Variants in TMTC2 observed in about 807,000 individuals in gnomAD.
TMTC2 encodes the protein transmembrane O-mannosyltransferase targeting cadherins 2, also known as protein O-mannosyl-transferase TMTC2.
TMTC2 carries 43 observed loss-of-function variants against 82.4 expected under a neutral mutation model. That is an observed-to-expected ratio of 0.52 (90% confidence interval 0.41 to 0.67). The LOEUF is 0.67. Among genes scored for constraint, TMTC2 ranks in the 30% least tolerant of loss-of-function variants. TMTC2 has a pLI of 0.00. For missense variants in TMTC2, 919 were observed against 1,012.4 expected (o/e 0.91, Z 1.25); for synonymous variants, 408 against 381.9 (o/e 1.07, Z -0.80).
intron 7 of TMTC2, among the ~76,000 whole-genome samples, chr12:82,969,063 G>C (rs1424720134): frequency 1.3e-5 from 2 of 152,048 alleles, no homozygotes; most frequent in Non-Finnish European, 2.9e-5. Context: ...TAATCAAAAT[G>C]GGTTAAATAC....
chr12:82,896,436 T>C lies in TMTC2; in HGVS notation c.1273T>C (p.Tyr425His). 5.0e-6 allele frequency: 8 copies of C among 1,614,216 alleles called. No homozygotes were observed. The highest frequency in any genetic ancestry group is 6.8e-6 in the Non-Finnish European group (8 of 1,180,040). ...VGFVIAERVL[Y>H]IPSMGFCLLI... Reference sequence around the variant, plus strand: ...CTTTGTAATTGCAGAGCGAGTATTATATATTCCTAGTATGGGCTTCTGCCT... The same window carrying C: ...CTTTGTAATTGCAGAGCGAGTATTACATATTCCTAGTATGGGCTTCTGCCT... Residue 425 changes from tyrosine (Y) to histidine (H), a missense_variant, in exon 3 of 12, where the codon TAT (tyrosine) becomes CAT (histidine). Physicochemically the swap from Tyr to His is moderately conservative, Grantham distance 83. Coordinates refer to ENST00000321196, the MANE Select transcript of TMTC2 (RefSeq NM_152588.3).
At chr12:82,890,351 A>G (rs956183279) in intron 2 of TMTC2, among the ~76,000 whole-genome samples, 3 of 152,044 alleles carry the variant, frequency 2.0e-5, no homozygotes, top group Non-Finnish European at 2.9e-5. Context: ...TGTTGCAGCA[A>G]TACTTGAATA....
At chr12:82,770,268 A>G (rs1877214621) in intron 1 of TMTC2, among the ~76,000 whole-genome samples, 1 of 152,152 alleles carries the variant, frequency 6.6e-6, no homozygotes, top group South Asian at 2.1e-4. Flanking sequence ...AATTTCATAG[A>G]CATATGCATT....
intron 7 of TMTC2, among the ~76,000 whole-genome samples, chr12:82,973,532 A>G (rs1878537332): frequency 1.3e-5 from 2 of 152,272 alleles, no homozygotes; most frequent in Non-Finnish European, 2.9e-5. Context: ...AAAAAACTAT[A>G]ATTTTTTCTC....
intron 2 of TMTC2, among the ~76,000 whole-genome samples, chr12:82,877,495 G>A (rs1872640858): frequency 6.6e-6 from 1 of 152,122 alleles, no homozygotes; most frequent in Admixed American, 6.5e-5. Context: ...GATGCCCAGA[G>A]GAATTATGTA....
At chr12:82,736,762 T>A (rs1375230626) in intron 1 of TMTC2, among the ~76,000 whole-genome samples, 1 of 152,188 alleles carries the variant, frequency 6.6e-6, no homozygotes, top group African/African-American at 2.4e-5. Context: ...TTTGAATGTA[T>A]TTCAAATAAT....
chr12:83,112,817 A>C (rs1180491857), intron 11 of TMTC2, among the ~76,000 whole-genome samples: 1 of 152,148 alleles, frequency 6.6e-6, no homozygotes, highest in Non-Finnish European at 1.5e-5. Context: ...TTTGATCGCT[A>C]TTTCAAGGTT....
chr12:82,910,015 T>A (rs576190727), intron 3 of TMTC2, among the ~76,000 whole-genome samples: 89 of 152,334 alleles, frequency 5.8e-4, no homozygotes, highest in Admixed American at 1.3e-4. Flanking sequence ...TTCCTTCCTT[T>A]CTGTAATATA....
intron 1 of TMTC2, among the ~76,000 whole-genome samples, chr12:82,836,384 A>G (rs1396383765): frequency 6.6e-6 from 1 of 152,248 alleles, no homozygotes; most frequent in African/African-American, 2.4e-5. Context: ...GCATTCACAA[A>G]GATCCTTATA....
chr12:82,903,702 C>T (rs574347368), intron 3 of TMTC2, among the ~76,000 whole-genome samples: 4 of 152,182 alleles, frequency 2.6e-5, no homozygotes, highest in Middle Eastern at 3.4e-3. Flanking sequence ...CGTGAGCCAC[C>T]GCGCCCCGCC....
chr12:82,901,300 AT>A lies in TMTC2; in HGVS notation c.1483+4663del, dbSNP rs202212249. Among the ~76,000 whole-genome samples, 697 of 85,320 alleles carry A rather than the reference AT, an allele frequency of 8.2e-3. 44 individuals are homozygous for A. Among genetic ancestry groups the A allele is most frequent in the African/African-American group, 0.044 (575 of 13,126 alleles). The allele number at this position is 85,320 out of a possible 152,430, so 56.0% of individuals were successfully genotyped here. A position where few individuals can be genotyped will look rare whatever the true frequency, so the allele number is the denominator to read the frequency against. ...GAGAGAGTAATATATATATATATAT[AT>A]TTTTTTTTCTTTTTTTTTTTTGAGA... On this transcript the variant is annotated intron_variant, in intron 3 of 11. Transcript: ENST00000321196.
intron 4 of TMTC2, among the ~76,000 whole-genome samples, chr12:82,941,035 A>T (rs1374665582): frequency 6.6e-6 from 1 of 152,198 alleles, no homozygotes; most frequent in Non-Finnish European, 1.5e-5. Context: ...ACAAAATACC[A>T]TAACGGAGAA....
chr12:82,914,623 A>T (rs996298919), intron 3 of TMTC2, among the ~76,000 whole-genome samples: 2 of 152,072 alleles, frequency 1.3e-5, no homozygotes, highest in African/African-American at 4.8e-5. Context: ...TCTCAGTAGC[A>T]TGAGCATAGA....
At chr12:82,888,039 A>G (rs1873191536) in intron 2 of TMTC2, among the ~76,000 whole-genome samples, 1 of 152,196 alleles carries the variant, frequency 6.6e-6, no homozygotes, top group Non-Finnish European at 1.5e-5. Flanking sequence ...AAATCGCGCC[A>G]TTGCATTCCA....
intron 3 of TMTC2, among the ~76,000 whole-genome samples, chr12:82,921,462 T>C (rs748490145): frequency 6.6e-6 from 1 of 152,158 alleles, no homozygotes; most frequent in Admixed American, 6.5e-5. Context: ...ATTATTGTTG[T>C]TATTTTTATT....
chr12:82,853,352 G>A (rs919729051), intron 1 of TMTC2, among the ~76,000 whole-genome samples: 3 of 151,996 alleles, frequency 2.0e-5, no homozygotes, highest in African/African-American at 2.4e-5. Context: ...ATCCACTTGC[G>A]TCAGACTTCC....
chr12:83,033,828 G>GTGTGTGTATATATGTA (rs1565862398), intron 9 of TMTC2, among the ~76,000 whole-genome samples: 2 of 146,578 alleles, frequency 1.4e-5, no homozygotes, highest in African/African-American at 5.1e-5. Flanking sequence ...GTGTGTGTGT[G>GTGTGTGTATATATGTA]TGTGTATATA....
chr12:82,757,353 C>A (rs1592497063), intron 1 of TMTC2, among the ~76,000 whole-genome samples: 1 of 152,170 alleles, frequency 6.6e-6, no homozygotes, highest in African/African-American at 2.4e-5. Context: ...TGAGTGAAAT[C>A]TCTTTAAAAC....
chr12:82,753,942 T>G (rs1213003600), intron 1 of TMTC2, among the ~76,000 whole-genome samples: 1 of 152,324 alleles, frequency 6.6e-6, no homozygotes, highest in South Asian at 2.1e-4. Flanking sequence ...CTAGGGAGTC[T>G]TAGTAGGTCA....
Sources: gnomAD v4.1 joint callset for allele counts (sites outside exome capture counted in the v4.1 genomes callset) on GRCh38, gnomAD v4.1.1 for gene constraint, MANE v1.5 for transcripts, NCBI Gene and HGNC (gene_info 2026-07-23, HGNC 2026-07-21) for gene names.